The following LRRC4C variants were observed in gnomAD, a reference collection of about 807,000 sequenced individuals.
The protein encoded by LRRC4C is leucine rich repeat containing 4C.
A neutral mutation model predicts 33.6 loss-of-function variants in LRRC4C; 5 were observed. The ratio of observed to expected loss-of-function variants is 0.15; its 90% CI spans 0.08 to 0.31. LRRC4C has a LOEUF of 0.31. LRRC4C is among the 10% of genes least tolerant of loss of function. LRRC4C has a pLI of 1.00. For missense variants in LRRC4C, 560 were observed against 796.7 expected, an observed-to-expected ratio of 0.70 and a Z score of 3.58; for synonymous variants, 329 against 302.0, an observed-to-expected ratio of 1.09 and a Z score of -0.93.
In LRRC4C at chr11:41,114,473, T is replaced by G. The variant is rs1393514549; in HGVS notation, c.-495-180750A>C. The stretch of plus-strand genomic sequence containing the variant: ...TCCTGAAGACTTCAGTTGGTTCAAG[T>G]GTATACCTGCTCAATCTCAAAAGAC... On this transcript the variant is annotated intron_variant, in intron 1 of 6. Transcript: ENST00000528697. Among the ~76,000 whole-genome samples the G allele has an allele frequency of 2.0e-5, 3 of 152,132 alleles. No homozygotes were observed. In the East Asian group the frequency reaches 5.8e-4, roughly 29 times the overall value.
At chr11:40,630,330 C>CTCTTCT (rs200043868) in intron 3 of LRRC4C, among the ~76,000 whole-genome samples, 2,823 of 135,440 alleles carry the variant, frequency 0.021, 72 homozygotes, top group African/African-American at 0.04. Context: ...TTTCTTCTTC[C>CTCTTCT]TCTTCTTCTT....
At chr11:40,543,967 G>A (rs1292318991) in intron 3 of LRRC4C, among the ~76,000 whole-genome samples, 1 of 152,062 alleles carries the variant, frequency 6.6e-6, no homozygotes, top group Non-Finnish European at 1.5e-5. Flanking sequence ...GGAGGGTTTT[G>A]TGAGGAAACA....
At chr11:41,420,052 G>A (rs1045520822) in intron 1 of LRRC4C, among the ~76,000 whole-genome samples, 1 of 151,846 alleles carries the variant, frequency 6.6e-6, no homozygotes, top group Admixed American at 6.6e-5. Flanking sequence ...TTCTTCTCGG[G>A]GAACATCCTG....
At chr11:40,737,565 T>C (rs1037544663) in intron 2 of LRRC4C, among the ~76,000 whole-genome samples, 6 of 131,282 alleles carry the variant, frequency 4.6e-5, no homozygotes, top group South Asian at 2.4e-4. Flanking sequence ...AGCATTCCTA[T>C]ACACCAATAA....
chr11:40,952,754 G>T (rs746367312), intron 1 of LRRC4C, among the ~76,000 whole-genome samples: 20 of 151,254 alleles, frequency 1.3e-4, no homozygotes, highest in Non-Finnish European at 2.8e-4. Flanking sequence ...TCACAATCAG[G>T]CATCTGAAAC....
At chr11:41,097,985 C>T (rs1003650925) in intron 1 of LRRC4C, among the ~76,000 whole-genome samples, 3 of 150,902 alleles carry the variant, frequency 2.0e-5, no homozygotes, top group Admixed American at 1.3e-4. Flanking sequence ...GTCTGTGTCC[C>T]TATATTTCCA....
Position 40,397,334 on chromosome 11 carries a change from A to G in LRRC4C, c.-269-77613T>C, listed in dbSNP as rs142324104. On this transcript the variant is annotated intron_variant, in intron 3 of 6. Transcript: ENST00000528697. The stretch of plus-strand genomic sequence containing the variant: ...GTAATTAAGCAAAACATATGGCATG[A>G]TTTAATATTGCTGGCAGTCATCCTA... Among the ~76,000 whole-genome samples, 26 of 152,254 alleles carry G rather than the reference A, an allele frequency of 1.7e-4. No homozygotes were observed. The East Asian group carries it at 2.7e-3, about 16-fold the overall frequency.
intron 5 of LRRC4C, among the ~76,000 whole-genome samples, chr11:40,211,065 CT>C (rs1863569987): frequency 1.3e-5 from 2 of 152,194 alleles, no homozygotes; most frequent in African/African-American, 4.8e-5. Context: ...GCCTGAGCAA[CT>C]GCTCCCAGCC....
At chr11:41,369,067 G>A (rs1010876822) in intron 1 of LRRC4C, among the ~76,000 whole-genome samples, 5 of 152,028 alleles carry the variant, frequency 3.3e-5, no homozygotes, top group African/African-American at 9.7e-5. Context: ...AGTCATTTTT[G>A]TTGAAGAAAT....
At chr11:40,814,304 G>A (rs963319291) in intron 2 of LRRC4C, among the ~76,000 whole-genome samples, 1 of 152,132 alleles carries the variant, frequency 6.6e-6, no homozygotes, top group African/African-American at 2.4e-5. Context: ...AAGCTGCCAA[G>A]GCTTGAGGCT....
intron 3 of LRRC4C, among the ~76,000 whole-genome samples, chr11:40,635,747 C>T (rs1487890952): frequency 2.0e-5 from 3 of 150,530 alleles, no homozygotes; most frequent in African/African-American, 7.3e-5. Context: ...GGCCATTCTC[C>T]TGCCTCAGCC....
Position 40,950,941 on chromosome 11 carries a change from T to C in LRRC4C, c.-495-17218A>G, listed in dbSNP as rs532146866. Among the ~76,000 whole-genome samples, 4 of 151,998 alleles carry C rather than the reference T, an allele frequency of 2.6e-5. No homozygotes were observed. In the South Asian group the frequency reaches 8.3e-4, roughly 32 times the overall value. On this transcript the variant is annotated intron_variant, in intron 1 of 6. Coordinates refer to ENST00000528697, the MANE Select transcript of LRRC4C (RefSeq NM_001258419.2). The stretch of plus-strand genomic sequence containing the variant: ...ATCTTTTCATGTCTGTACATACAGT[T>C]CTACTCCATTCTTTTTAAAGGCTTT...
chr11:41,033,674 G>A (rs2137854287), intron 1 of LRRC4C, among the ~76,000 whole-genome samples: 1 of 152,024 alleles, frequency 6.6e-6, no homozygotes, highest in South Asian at 2.1e-4. Context: ...TAAGACCCGG[G>A]GAAGCCAAGG....
chr11:40,325,709 T>G (rs903988604), intron 3 of LRRC4C, among the ~76,000 whole-genome samples: 20 of 152,144 alleles, frequency 1.3e-4, no homozygotes, highest in Non-Finnish European at 2.8e-4. Flanking sequence ...AACACTTATT[T>G]TTTTCATTTT....
At chr11:40,682,536 G>A (rs1194684668) in intron 2 of LRRC4C, among the ~76,000 whole-genome samples, 1 of 152,086 alleles carries the variant, frequency 6.6e-6, no homozygotes, top group Non-Finnish European at 1.5e-5. Flanking sequence ...AGCACTTTGG[G>A]AGGCCGAGGC....
At chr11:41,074,459 TCA>T (rs1737598621) in intron 1 of LRRC4C, among the ~76,000 whole-genome samples, 1 of 152,228 alleles carries the variant, frequency 6.6e-6, no homozygotes, top group South Asian at 2.1e-4. Context: ...CAGCATTTAC[TCA>T]GTTTTCCCCA....
chr11:41,393,881 C>T (rs1345476551), intron 1 of LRRC4C, among the ~76,000 whole-genome samples: 1 of 151,972 alleles, frequency 6.6e-6, no homozygotes, highest in Admixed American at 6.6e-5. Flanking sequence ...ACATCCATTT[C>T]CTTGCATATG....
intron 1 of LRRC4C, among the ~76,000 whole-genome samples, chr11:41,235,877 A>C (rs12271685): frequency 0.069 from 10,476 of 152,132 alleles, 735 homozygotes; most frequent in African/African-American, 0.18. Context: ...CAGCTGAATG[A>C]AAGGGTAATG....
chr11:41,341,128 T>G (rs1951622571), intron 1 of LRRC4C, among the ~76,000 whole-genome samples: 1 of 151,574 alleles, frequency 6.6e-6, no homozygotes, highest in Non-Finnish European at 1.5e-5. Flanking sequence ...TAACAAGGAC[T>G]GAAGGCAATC....
Sources: gnomAD v4.1 joint callset for allele counts (sites outside exome capture counted in the v4.1 genomes callset) on GRCh38, gnomAD v4.1.1 for gene constraint, MANE v1.5 for transcripts, NCBI Gene and HGNC (gene_info 2026-07-23, HGNC 2026-07-21) for gene names.